RBFOX1: variants seen among roughly 807,000 people sequenced by gnomAD.
RBFOX1 encodes RNA binding protein fox-1 homolog 1.
Under a neutral mutation model 57.7 loss-of-function variants are expected in RBFOX1, and 8 were observed. The ratio of observed to expected loss-of-function variants is 0.14; its 90% CI spans 0.08 to 0.25. RBFOX1 has a LOEUF of 0.25. Ranked by LOEUF, RBFOX1 falls within the 10% of genes least tolerant of loss-of-function variation. The pLI is 1.00. For missense variants in RBFOX1, 611 were observed against 548.5 expected (o/e 1.11, Z -1.14); for synonymous variants, 326 against 222.4 (o/e 1.47, Z -4.15).
chr16:6,407,335 C>G lies in RBFOX1; in HGVS notation c.-64+90278C>G, dbSNP rs1042070578. On this transcript the variant is annotated intron_variant, in intron 2 of 15. Coordinates refer to ENST00000550418, the MANE Select transcript of RBFOX1 (RefSeq NM_018723.4). ...CATTTTCTATATATGTAATCCATTT[C>G]TATCTCTATATGTCTATGTATATAT... 3.9e-5 allele frequency among the ~76,000 whole-genome samples: 6 copies of G among 152,170 alleles called. No individual in the cohort carries two copies. The South Asian group carries it at 1.2e-3, about 32-fold the overall frequency.
Position 6,702,541 on chromosome 16 carries a change from G to C in RBFOX1, c.-16+47891G>C, listed in dbSNP as rs183629590. 4.7e-3 allele frequency among the ~76,000 whole-genome samples: 619 copies of C among 130,722 alleles called. 2 individuals are homozygous for C. Among genetic ancestry groups the C allele is most frequent in the Non-Finnish European group, 7.2e-3 (450 of 62,562 alleles). 85.8% of individuals were successfully genotyped at this position (130,722 alleles called of 152,430 possible). The stretch of plus-strand genomic sequence containing the variant: ...TGCACTCCAGTCTGGGTGACAGAGC[G>C]AGAGTCCATCTCAAAAAAAAAAAAC... On this transcript the variant is annotated intron_variant, in intron 3 of 15. Coordinates refer to ENST00000550418, the MANE Select transcript of RBFOX1 (RefSeq NM_018723.4).
chr16:6,486,957 C>T (rs12444162), intron 2 of RBFOX1, among the ~76,000 whole-genome samples: 28,451 of 151,960 alleles, frequency 0.19, 2,671 homozygotes, highest in Middle Eastern at 0.22. Context: ...TCTTCTTGCA[C>T]GGCACCAAGA....
chr16:6,654,542 C>G (rs2098631978), intron 2 of RBFOX1, 61 bp from the exon 3 acceptor site: 5 of 1,333,320 alleles, frequency 3.8e-6, no homozygotes, highest in Non-Finnish European at 4.0e-6. Flanking sequence ...TGAATGTTCT[C>G]TGACCATAAG....
At chr16:6,383,410 C>G (rs2091985788) in intron 2 of RBFOX1, among the ~76,000 whole-genome samples, 1 of 152,134 alleles carries the variant, frequency 6.6e-6, no homozygotes, top group African/African-American at 2.4e-5. Context: ...TCAGACAGTT[C>G]TTTTCTATCT....
Position 6,625,945 on chromosome 16 carries a change from G to C in RBFOX1, c.-63-28658G>C, listed in dbSNP as rs144823119. On this transcript the variant is annotated intron_variant, in intron 2 of 15. Transcript: ENST00000550418. Reference sequence around the variant, plus strand: ...GTTTACGTTATCAGATAATACTTGAGAGCTCATTGAGGTACATGTTCAGTA... The same window carrying C: ...GTTTACGTTATCAGATAATACTTGACAGCTCATTGAGGTACATGTTCAGTA... 1.5e-3 allele frequency among the ~76,000 whole-genome samples: 221 copies of C among 152,250 alleles called. 2 individuals are homozygous for C. The highest frequency in any genetic ancestry group is 4.8e-3 in the African/African-American group (199 of 41,548).
intron 3 of RBFOX1, among the ~76,000 whole-genome samples, chr16:6,743,458 A>G (rs1029326984): frequency 3.3e-4 from 50 of 152,298 alleles, no homozygotes; most frequent in African/African-American, 1.2e-3. Flanking sequence ...AAATATGTTG[A>G]TAAGGATGAA....
chr16:7,656,509 C>G (rs2066342996), intron 12 of RBFOX1, among the ~76,000 whole-genome samples: 1 of 152,168 alleles, frequency 6.6e-6, no homozygotes, highest in African/African-American at 2.4e-5. Flanking sequence ...TCAGGGAAAG[C>G]AAGTAGCATA....
At chr16:5,299,010 C>G (rs1326751884) in intron 1 of RBFOX1, among the ~76,000 whole-genome samples, 2 of 139,500 alleles carry the variant, frequency 1.4e-5, no homozygotes, top group Non-Finnish European at 3.1e-5. Context: ...CATACACCCA[C>G]ACAACCATCA....
intron 1 of RBFOX1, among the ~76,000 whole-genome samples, chr16:5,454,543 A>G (rs1567533782): frequency 6.6e-6 from 1 of 152,166 alleles, no homozygotes; most frequent in Non-Finnish European, 1.5e-5. Flanking sequence ...GTATCCAATC[A>G]GTTGAAGGCC....
At chr16:6,563,248 C>G (rs1029273795) in intron 2 of RBFOX1, among the ~76,000 whole-genome samples, 7 of 152,138 alleles carry the variant, frequency 4.6e-5, no homozygotes, top group Non-Finnish European at 8.8e-5. Flanking sequence ...CTGTGCAACA[C>G]GCATGAGATT....
chr16:5,249,129 A>G (rs1397444159), intron 1 of RBFOX1, among the ~76,000 whole-genome samples: 1 of 152,054 alleles, frequency 6.6e-6, no homozygotes, highest in African/African-American at 2.4e-5. Context: ...AAAGTCACAC[A>G]CCTTTATTTA....
intron 1 of RBFOX1, among the ~76,000 whole-genome samples, chr16:6,044,906 C>T (rs894854990): frequency 3.3e-5 from 5 of 152,192 alleles, no homozygotes; most frequent in African/African-American, 7.2e-5. Flanking sequence ...CCTCTGCATA[C>T]ATGTAGACCA....
rs140613184 is a variant in RBFOX1, at chr16:7,106,909, G to T, written c.27+54811G>T. Among the ~76,000 whole-genome samples, 17 of 151,724 alleles carry T rather than the reference G, an allele frequency of 1.1e-4. No homozygotes were observed. In the East Asian group the frequency reaches 2.9e-3, roughly 26 times the overall value. ...GCACCAGACACTATTCTTGGCAGTG[G>T]GCATGCAACAAGGAGGACATGGACA... On this transcript the variant is annotated intron_variant, in intron 4 of 15. Transcript: ENST00000550418.
chr16:6,748,211 G>C (rs986631997), intron 3 of RBFOX1, among the ~76,000 whole-genome samples: 1 of 152,144 alleles, frequency 6.6e-6, no homozygotes, highest in East Asian at 1.9e-4. Flanking sequence ...TATGGGTTCA[G>C]TACCATGCTG....
intron 1 of RBFOX1, among the ~76,000 whole-genome samples, chr16:5,318,653 G>C (rs1331946715): frequency 6.6e-6 from 1 of 152,190 alleles, no homozygotes; most frequent in African/African-American, 2.4e-5. Flanking sequence ...CCTTGTGGTA[G>C]ACAGACTTCT....
chr16:7,529,251 A>G (rs1216338063), intron 5 of RBFOX1, among the ~76,000 whole-genome samples: 1 of 152,140 alleles, frequency 6.6e-6, no homozygotes, highest in Non-Finnish European at 1.5e-5. Context: ...ACAGAATCAG[A>G]CTCTGTCTCA....
rs533397017 is a variant in RBFOX1 at position 7,711,043 on chromosome 16, T to G, written c.*298T>G. The G allele has an allele frequency of 3.8e-6, 1 of 265,330 alleles. No homozygotes were observed. The highest frequency in any genetic ancestry group is 1.4e-4 in the South Asian group (1 of 7,308). 16.4% of individuals were successfully genotyped at this position (265,330 alleles called of 1,614,324 possible). On this transcript the variant is annotated 3_prime_UTR_variant, in exon 16 of 16. Coordinates refer to ENST00000550418, the MANE Select transcript of RBFOX1 (RefSeq NM_018723.4). Reference sequence around the variant, plus strand: ...GAATAAAAACTGGTTTAGGGCCATATCCAGAGTGCTATATTATGTAAATGA... The same window carrying G: ...GAATAAAAACTGGTTTAGGGCCATAGCCAGAGTGCTATATTATGTAAATGA...
intron 3 of RBFOX1, among the ~76,000 whole-genome samples, chr16:5,736,380 C>T (rs970392850): frequency 1.2e-4 from 19 of 152,082 alleles, no homozygotes; most frequent in African/African-American, 4.6e-4. Flanking sequence ...TAAAAGTGCA[C>T]CCGAGTAGCA....
intron 1 of RBFOX1, among the ~76,000 whole-genome samples, chr16:6,166,564 G>T (rs193110705): frequency 6.6e-6 from 1 of 152,150 alleles, no homozygotes; most frequent in Admixed American, 6.5e-5. Context: ...GGTGACAAGG[G>T]TGACCTGAGA....
Sources: gnomAD v4.1 joint callset for allele counts (sites outside exome capture counted in the v4.1 genomes callset) on GRCh38, gnomAD v4.1.1 for gene constraint, MANE v1.5 for transcripts, NCBI Gene and HGNC (gene_info 2026-07-23, HGNC 2026-07-21) for gene names.